Variants in USP48 observed in about 807,000 individuals in gnomAD.
USP48 encodes the protein ubiquitin carboxyl-terminal hydrolase 48.
Under a neutral mutation model 150.7 loss-of-function variants are expected in USP48, and 43 were observed. The observed-to-expected ratio is 0.29, with a 90% CI of 0.22 to 0.37. The LOEUF (loss-of-function observed/expected upper bound fraction) is 0.37. USP48 is among the 10% of genes least tolerant of loss of function. The probability of loss-of-function intolerance (pLI) is 1.00; values close to 1 mark genes in which losing one functional copy is unlikely to be tolerated. For missense variants in USP48, 813 were observed against 1,249.6 expected, an observed-to-expected ratio of 0.65 and a Z score of 5.27; for synonymous variants, 396 against 425.9, an observed-to-expected ratio of 0.93 and a Z score of 0.86.
At chr1:21,722,714 G>GCA (rs1458948720) in intron 12 of USP48, among the ~76,000 whole-genome samples, 1 of 151,966 alleles carries the variant, frequency 6.6e-6, no homozygotes, top group African/African-American at 2.4e-5. Flanking sequence ...GCATGGTGGT[G>GCA]CATGTCTGTG....
Position 21,756,590 on chromosome 1 carries a change from G to A in USP48, c.368C>T (p.Thr123Ile). ...LRQALYLCPSTCSDYMLGDGI... is the reference protein window; with the variant it reads ...LRQALYLCPSICSDYMLGDGI... ...GTCTCCCAGCATGTAGTCACTACAA[G>A]TGCTTGGACATAAGTAGAGTGCCTG... The change falls in exon 3 of 27, where the codon ACT becomes ATT. Residue 123 changes from threonine to isoleucine, a missense_variant. Physicochemically the swap from Thr to Ile is moderately conservative, Grantham distance 89. Coordinates refer to ENST00000308271, the MANE Select transcript of USP48 (RefSeq NM_032236.8). 6.2e-7 allele frequency: 1 copy of A among 1,604,588 alleles called. No homozygotes were observed. Among genetic ancestry groups the A allele is most frequent in the African/African-American group, 1.4e-5 (1 of 73,846 alleles).
chr1:21,743,792 T>C (rs920553264), intron 8 of USP48, among the ~76,000 whole-genome samples: 3 of 152,182 alleles, frequency 2.0e-5, no homozygotes, highest in African/African-American at 7.2e-5. Context: ...CCATGCATTT[T>C]TGTGTTTTGA....
chr1:21,690,176 A>G (rs2097593460), intron 23 of USP48, 77 bp from the exon 24 acceptor site: 2 of 1,281,432 alleles, frequency 1.6e-6, no homozygotes, highest in Non-Finnish European at 2.0e-6. Context: ...TAAATTATGC[A>G]TGGATTCTTA....
chr1:21,715,478 T>C (rs374721493), intron 14 of USP48, 21 bp from the exon 15 acceptor site: 2 of 1,459,800 alleles, frequency 1.4e-6, no homozygotes, highest in South Asian at 1.1e-5. Flanking sequence ...GAAATACAAA[T>C]GATATCTGCT....
In USP48 at chr1:21,772,022, T is replaced by C. The variant is rs77024140; in HGVS notation, c.134+10802A>G. Among the ~76,000 whole-genome samples, 1,197 of 152,116 alleles carry C rather than the reference T, an allele frequency of 7.9e-3. 17 individuals are homozygous for C. The highest frequency in any genetic ancestry group is 0.027 in the African/African-American group (1,125 of 41,508). ...TGAGGAAAAAGACTGAATTGTTCAA[T>C]AAATGGTTTAAGACAAGTGAGTAGC... is the stretch of plus-strand genomic sequence containing the variant. On this transcript the variant is annotated intron_variant, in intron 1 of 26. Coordinates refer to ENST00000308271, the MANE Select transcript of USP48 (RefSeq NM_032236.8).
chr1:21,748,316 T>G lies in USP48; in HGVS notation c.775-45A>C, dbSNP rs572206586. On this transcript the variant is annotated intron_variant, in intron 6 of 26. Transcript: ENST00000308271. Reference sequence around the variant, plus strand: ...ATTAATTTTAAAAAGAAGATGGGTTTAAAACAAGTGATAAAACCCTTGATG... The same window carrying G: ...ATTAATTTTAAAAAGAAGATGGGTTGAAAACAAGTGATAAAACCCTTGATG... 1.3e-4 allele frequency: 203 copies of G among 1,541,882 alleles called. 3 individuals are homozygous for G. In the South Asian group the frequency reaches 2.4e-3, roughly 18 times the overall value.
chr1:21,752,029 AAAAAG>A (rs1332831481), intron 5 of USP48, among the ~76,000 whole-genome samples: 1 of 152,020 alleles, frequency 6.6e-6, no homozygotes, highest in East Asian at 1.9e-4. Flanking sequence ...AAAAAAAAAA[AAAAAG>A]AAAAGAAATA....
At chr1:21,736,708 A>G (rs906318483) in intron 8 of USP48, 83 bp from the exon 9 acceptor site, 52 of 1,180,842 alleles carry the variant, frequency 4.4e-5, no homozygotes, top group Non-Finnish European at 5.7e-5. Context: ...ATGATTACGA[A>G]TCTTTACACA....
In USP48 at chr1:21,764,431, C is replaced by T. The variant is rs371431463; in HGVS notation, c.135-6648G>A. Among the ~76,000 whole-genome samples, 893 of 145,984 alleles carry T rather than the reference C, an allele frequency of 6.1e-3. 9 individuals are homozygous for T. Among genetic ancestry groups the T allele is most frequent in the African/African-American group, 0.021 (841 of 39,534 alleles). On this transcript the variant is annotated intron_variant, in intron 1 of 26. Coordinates refer to ENST00000308271, the MANE Select transcript of USP48 (RefSeq NM_032236.8). ...TCCAGCCTGGGCATCAGAGAGAGAC[C>T]CTGTCTCCAAAAAAAAAAAAAAGCC...
chr1:21,756,934 T>C (rs2097837576), intron 2 of USP48: 1 of 985,390 alleles, frequency 1.0e-6, no homozygotes, highest in Non-Finnish European at 1.2e-6. Flanking sequence ...TGCTCATCTC[T>C]AGCATATCGT....
Position 21,753,005 on chromosome 1 carries a change from G to C in USP48, c.527C>G (p.Thr176Ser). The change falls in exon 4 of 27, where the codon ACT becomes AGT. Residue 176 changes from threonine to serine, a missense_variant. Physicochemically the swap from Thr to Ser is moderately conservative, Grantham distance 58. Coordinates refer to ENST00000308271, the MANE Select transcript of USP48 (RefSeq NM_032236.8). ...TTCAGTTCTTACCTGCTGTTGTCCAGTGTCCAGGCCCAAGGCTTTAACAAA... is the reference window on the plus strand; with the variant it reads ...TTCAGTTCTTACCTGCTGTTGTCCACTGTCCAGGCCCAAGGCTTTAACAAA... ...SGFVKALGLDTGQQQDAQEFS... is the reference protein window; with the variant it reads ...SGFVKALGLDSGQQQDAQEFS... The C allele has an allele frequency of 1.3e-6, 2 of 1,591,502 alleles. No individual in the cohort carries two copies. The highest frequency in any genetic ancestry group is 1.7e-6 in the Non-Finnish European group (2 of 1,174,702).
chr1:21,712,184 C>A (rs1031831714), intron 15 of USP48, among the ~76,000 whole-genome samples: 4 of 152,170 alleles, frequency 2.6e-5, no homozygotes, highest in Non-Finnish European at 5.9e-5. Flanking sequence ...CATGGCAAAA[C>A]CCCATATCTA....
intron 14 of USP48, among the ~76,000 whole-genome samples, chr1:21,719,685 T>A (rs903801001): frequency 3.3e-4 from 50 of 152,140 alleles, no homozygotes; most frequent in African/African-American, 1.2e-3. Flanking sequence ...CTGGCCAACA[T>A]GGTGAAACCC....
intron 15 of USP48, among the ~76,000 whole-genome samples, chr1:21,708,896 AAAAAAAGAAAGAAAAG>A (rs1557465601): frequency 9.3e-6 from 1 of 107,556 alleles, no homozygotes; most frequent in Non-Finnish European, 2.0e-5. Flanking sequence ...AAAAAAAAAA[AAAAAAAGAAAGAAAAG>A]AAAAGAAAAG....
intron 7 of USP48, 85 bp downstream of exon 7, chr1:21,748,053 A>G: frequency 7.5e-7 from 1 of 1,325,984 alleles, no homozygotes; most frequent in Admixed American, 2.9e-5. Context: ...TTCAAATTAC[A>G]ACCATTTTAT....
intron 1 of USP48, chr1:21,768,568 A>G (rs2097869190): frequency 6.6e-6 from 1 of 152,104 alleles, no homozygotes; most frequent in Admixed American, 6.6e-5. Context: ...TATTGGCAGC[A>G]TGGCCCTAGT....
intron 15 of USP48, among the ~76,000 whole-genome samples, chr1:21,713,093 ACTCT>A (rs899443851): frequency 2.4e-5 from 3 of 124,008 alleles, no homozygotes; most frequent in Non-Finnish European, 5.0e-5. Context: ...TCTCTTTCTC[ACTCT>A]CTCTTTCTTT....
At chr1:21,735,760 T>G (rs1021939025) in intron 9 of USP48, among the ~76,000 whole-genome samples, 1 of 151,942 alleles carries the variant, frequency 6.6e-6, no homozygotes, top group African/African-American at 2.4e-5. Flanking sequence ...TGGTGACACA[T>G]GCCTGTAATC....
intron 1 of USP48, among the ~76,000 whole-genome samples, chr1:21,782,289 C>G (rs1258384692): frequency 6.6e-6 from 1 of 151,920 alleles, no homozygotes; most frequent in Non-Finnish European, 1.5e-5. Context: ...TGGTGTCGAA[C>G]CAGAACGACC....
Sources: allele counts gnomAD v4.1 joint callset (sites outside exome capture counted in the v4.1 genomes callset), GRCh38; gene constraint gnomAD v4.1.1; transcripts MANE v1.5; gene names NCBI Gene and HGNC (gene_info 2026-07-23, HGNC 2026-07-21).